ABCB1: variants seen among roughly 807,000 people sequenced by gnomAD.
ABCB1 encodes the protein ATP binding cassette subfamily B member 1.
ABCB1 carries 69 observed loss-of-function variants against 142.0 expected under a neutral mutation model. The observed-to-expected ratio is 0.49, with a 90% confidence interval of 0.40 to 0.59. The LOEUF is 0.59. Ranked by LOEUF, ABCB1 falls within the 20% of genes least tolerant of loss-of-function variation. ABCB1 has a pLI of 0.00. For synonymous variants in ABCB1, 532 were observed against 539.2 expected (o/e 0.99, Z 0.18); for missense variants, 1,326 against 1,554.7 (o/e 0.85, Z 2.47).
In ABCB1 at chr7:87,645,961, C is replaced by T. The variant is rs570280548; in HGVS notation, c.-330-44883G>A. Among the ~76,000 whole-genome samples, 13 of 152,250 alleles carry T rather than the reference C, an allele frequency of 8.5e-5. No homozygotes were observed. In the South Asian group the frequency reaches 1.5e-3, roughly 17 times the overall value. ...TGGAGAACATTATTTTTCTTCATTA[C>T]TGACTTTGATATAATAGAAATTTTT... is the stretch of plus-strand genomic sequence containing the variant. On this transcript the variant is annotated intron_variant, in intron 1 of 28. Transcript: ENST00000265724.
chr7:87,595,766 C>A lies in ABCB1; in HGVS notation c.117G>T (p.Met39Ile). ...EKKPTVSVFS[M>I]FRYSNWLDKL... ...AATAGTTAATAAATTCAAAACTCAC[C>A]ATTGAAAATACACTGACAGTTGGTT... The change falls in exon 3 of 28, where the codon ATG becomes ATT. Residue 39 changes from methionine (M) to isoleucine (I), a missense_variant and splice_region_variant. Physicochemically the swap from Met to Ile is conservative, Grantham distance 10. Coordinates refer to ENST00000622132, the MANE Select transcript of ABCB1 (RefSeq NM_001348946.2). 6.2e-7 allele frequency: 1 copy of A among 1,605,598 alleles called. No homozygotes were observed. Among genetic ancestry groups the A allele is most frequent in the Non-Finnish European group, 8.5e-7 (1 of 1,172,888 alleles).
intron 4 of ABCB1, among the ~76,000 whole-genome samples, chr7:87,584,442 TTG>T (rs781189053): frequency 1.3e-5 from 2 of 152,146 alleles, no homozygotes; most frequent in Non-Finnish European, 2.9e-5. Context: ...GCAAACTGGA[TTG>T]TAAGTTTTTG....
chr7:87,525,233 G>A (rs776964226), intron 21 of ABCB1, among the ~76,000 whole-genome samples: 1 of 152,050 alleles, frequency 6.6e-6, no homozygotes, highest in Non-Finnish European at 1.5e-5. Context: ...AGTTTCCCTC[G>A]GAAACTGTTG....
At chr7:87,682,618 A>T (rs1012852990) in intron 1 of ABCB1, among the ~76,000 whole-genome samples, 50 of 152,188 alleles carry the variant, frequency 3.3e-4, no homozygotes, top group African/African-American at 1.2e-3. Flanking sequence ...CTTTGAAAGG[A>T]ATCTTTTTTC....
intron 2 of ABCB1, among the ~76,000 whole-genome samples, chr7:87,596,997 C>A (rs1819236654): frequency 6.6e-6 from 1 of 152,052 alleles, no homozygotes; most frequent in Non-Finnish European, 1.5e-5. Flanking sequence ...CAGGCACTGG[C>A]TAAGTAAGCA....
chr7:87,630,932 C>A (rs1035680131), intron 1 of ABCB1, among the ~76,000 whole-genome samples: 2 of 152,090 alleles, frequency 1.3e-5, no homozygotes, highest in South Asian at 4.1e-4. Context: ...GAACGTCACA[C>A]TGATTTCTGG....
chr7:87,517,279 G>A (rs971451978), intron 23 of ABCB1, among the ~76,000 whole-genome samples: 2 of 152,200 alleles, frequency 1.3e-5, no homozygotes, highest in South Asian at 4.2e-4. Context: ...AGGATATGGT[G>A]GAAATCACTT....
intron 7 of ABCB1, chr7:87,565,402 G>A (rs1337581507): frequency 1.2e-5 from 5 of 432,710 alleles, no homozygotes; most frequent in Non-Finnish European, 1.8e-5. Flanking sequence ...TGGAAAATAA[G>A]TTTTAAAAGA....
intron 1 of ABCB1, among the ~76,000 whole-genome samples, chr7:87,639,024 C>T (rs1822148303): frequency 1.3e-5 from 2 of 151,954 alleles, no homozygotes; most frequent in African/African-American, 2.4e-5. Context: ...TGATGGCAGG[C>T]GCCTGTAGTC....
intron 5 of ABCB1, among the ~76,000 whole-genome samples, chr7:87,569,527 CT>C (rs1204604236): frequency 6.6e-6 from 1 of 151,914 alleles, no homozygotes; most frequent in African/African-American, 2.4e-5. Flanking sequence ...AATAGAGAGA[CT>C]GTATTTTTTC....
intron 1 of ABCB1, among the ~76,000 whole-genome samples, chr7:87,687,575 T>A (rs1398182866): frequency 6.6e-6 from 1 of 152,226 alleles, no homozygotes; most frequent in East Asian, 1.9e-4. Flanking sequence ...TGTTCATTGG[T>A]GTATCCAAAT....
intron 26 of ABCB1, among the ~76,000 whole-genome samples, chr7:87,508,339 G>A (rs1204332272): frequency 1.3e-5 from 2 of 152,134 alleles, no homozygotes; most frequent in African/African-American, 4.8e-5. Flanking sequence ...TTAAAAATTT[G>A]TATAAAATTG....
intron 27 of ABCB1, among the ~76,000 whole-genome samples, chr7:87,505,385 G>C (rs1047412492): frequency 2.0e-5 from 3 of 152,144 alleles, no homozygotes; most frequent in Non-Finnish European, 4.4e-5. Context: ...CTTGAAAACA[G>C]ACCTCAAATC....
chr7:87,557,340 T>C (rs972185425), intron 8 of ABCB1, among the ~76,000 whole-genome samples: 2 of 152,180 alleles, frequency 1.3e-5, no homozygotes, highest in African/African-American at 2.4e-5. Context: ...ACCTAGAACC[T>C]AGCACAGTGC....
chr7:87,625,330 T>C (rs1584930653), intron 1 of ABCB1, among the ~76,000 whole-genome samples: 1 of 152,082 alleles, frequency 6.6e-6, no homozygotes, highest in East Asian at 1.9e-4. Flanking sequence ...AAGTTTTCAG[T>C]CATAGTTCAC....
At chr7:87,505,804 T>C in intron 27 of ABCB1, 93 bp downstream of exon 27, 1 of 1,466,470 alleles carries the variant, frequency 6.8e-7, no homozygotes, top group Non-Finnish European at 9.5e-7. Context: ...TAACTGTCAA[T>C]AATCTGGCTG....
Position 87,504,233 on chromosome 7 carries a change from C to T in ABCB1, c.*10G>A. 2 of 1,614,042 alleles carry T rather than the reference C, an allele frequency of 1.2e-6. No homozygotes were observed. Among genetic ancestry groups the T allele is most frequent in the South Asian group, 1.1e-5 (1 of 91,082 alleles). ...ATTAAAAAGTATTTAACATCTCATA[C>T]AGTCAGAGTTCACTGGCGCTTTGTT... is the stretch of plus-strand genomic sequence containing the variant. On this transcript the variant is annotated 3_prime_UTR_variant, in exon 28 of 28. Transcript: ENST00000622132.
chr7:87,657,964 C>T (rs1824283606), intron 1 of ABCB1, among the ~76,000 whole-genome samples: 2 of 152,090 alleles, frequency 1.3e-5, no homozygotes, highest in Non-Finnish European at 2.9e-5. Context: ...TAAATAAGAT[C>T]CAGAGTTTCA....
rs1223829944 is a variant in ABCB1 at position 87,512,797 on chromosome 7, TGCAC to T, written c.3282+2430_3282+2433del. On this transcript the variant is annotated intron_variant, in intron 25 of 27. Coordinates refer to ENST00000622132, the MANE Select transcript of ABCB1 (RefSeq NM_001348946.2). ...CAGTATTTCCAAGCCCTAGTGCAAA[TGCAC>T]AGGAGAAGATAATGGATATTCCTGC... Among the ~76,000 whole-genome samples the T allele has an allele frequency of 2.6e-5, 4 of 152,318 alleles. No homozygotes were observed. In the East Asian group the frequency reaches 7.7e-4, roughly 29 times the overall value.
Sources: gnomAD v4.1 joint callset for allele counts (sites outside exome capture counted in the v4.1 genomes callset) on GRCh38, gnomAD v4.1.1 for gene constraint, MANE v1.5 for transcripts, NCBI Gene and HGNC (gene_info 2026-07-23, HGNC 2026-07-21) for gene names.